The following SVEP1 variants were observed in gnomAD, a reference collection of about 807,000 sequenced individuals.
SVEP1 encodes sushi, von Willebrand factor type A, EGF and pentraxin domain-containing protein 1.
In SVEP1, 164 loss-of-function variants were observed where a neutral mutation model predicts 367.3. The ratio of observed to expected loss-of-function variants is 0.45; its 90% CI spans 0.39 to 0.51. The LOEUF (loss-of-function observed/expected upper bound fraction) is 0.51, where lower values mean the gene tolerates loss of function less well. Among genes scored for constraint, SVEP1 ranks in the 20% least tolerant of loss-of-function variants. The pLI is 0.00. For missense variants in SVEP1, 4,117 were observed against 4,425.3 expected (o/e 0.93, Z 1.98); for synonymous variants, 1,666 against 1,611.6 (o/e 1.03, Z -0.81).
Position 110,369,979 on chromosome 9 carries a change from A to G in SVEP1, c.10638T>C (p.Cys3546=), listed in dbSNP as rs184336132. ...CQSPCLNGGK[C]VRPNRCHCLS... ...GACAGTGACATCGGTTTGGTCTTAC[A>G]CATTTTCCACCATTTAAGCAGGGAG... is the stretch of plus-strand genomic sequence containing the variant. The change falls in exon 47 of 48, where the codon TGT becomes TGC. Residue 3546 remains cysteine, a synonymous_variant. Transcript: ENST00000374469. 5.3e-5 allele frequency: 85 copies of G among 1,613,344 alleles called. No homozygotes were observed. In the East Asian group the frequency reaches 1.6e-3, roughly 31 times the overall value.
chr9:110,498,384 T>C (rs371039419), intron 7 of SVEP1, among the ~76,000 whole-genome samples: 88 of 152,266 alleles, frequency 5.8e-4, no homozygotes, highest in African/African-American at 2.0e-3. Context: ...GACATTGGGG[T>C]TTTTCCTTCT....
chr9:110,406,667 C>G lies in SVEP1; in HGVS notation c.8933G>C (p.Gly2978Ala), dbSNP rs554629669. 32 of 1,613,932 alleles carry G rather than the reference C, an allele frequency of 2.0e-5. No homozygotes were observed. In the South Asian group the frequency reaches 3.4e-4, roughly 17 times the overall value. The change falls in exon 38 of 48, where the codon GGT (glycine) becomes GCT (alanine). Residue 2978 changes from glycine (G) to alanine (A), a missense_variant. This residue lies in a region of SVEP1 where 1,765 missense variants were observed against 1,781.1 expected (regional missense o/e 0.99). Coordinates refer to ENST00000374469, the MANE Select transcript of SVEP1 (RefSeq NM_153366.4). ...TGATGAATTTCCATGGAGCTTATAA[C>G]CAGGAAAGCACTGATACTGTATATG... The part of the protein sequence containing the change: ...GGHIQYQCFP[G>A]YKLHGNSSRR...
intron 43 of SVEP1, among the ~76,000 whole-genome samples, chr9:110,384,611 C>T (rs898084737): frequency 1.3e-5 from 2 of 149,316 alleles, no homozygotes; most frequent in Non-Finnish European, 3.0e-5. Flanking sequence ...TTCTTCAAAT[C>T]TATAAGAAAT....
chr9:110,517,751 T>TAA (rs5899902), intron 3 of SVEP1, among the ~76,000 whole-genome samples: 779 of 50,480 alleles, frequency 0.015, 15 homozygotes, highest in African/African-American at 0.033. Context: ...ACCTGGCTCT[T>TAA]AAAAAAAAAA....
chr9:110,477,312 C>G (rs576753757), intron 13 of SVEP1, among the ~76,000 whole-genome samples: 1 of 152,272 alleles, frequency 6.6e-6, no homozygotes, highest in South Asian at 2.1e-4. Flanking sequence ...ATTCCACGAT[C>G]CATCACCATG....
At chr9:110,429,479 TAA>T in intron 34 of SVEP1, 145 bp from the exon 35 acceptor site, 5 of 592,174 alleles carry the variant, frequency 8.4e-6, no homozygotes, top group Non-Finnish European at 1.1e-5. Flanking sequence ...GCTTTTAAAT[TAA>T]TTTTTTTTTT....
chr9:110,472,226 C>T lies in SVEP1; in HGVS notation c.2697G>A (p.Lys899=), dbSNP rs539199245. The change falls in exon 15 of 48, where the codon AAG becomes AAA. Residue 899 remains lysine (K), a synonymous_variant. Coordinates refer to ENST00000374469, the MANE Select transcript of SVEP1 (RefSeq NM_153366.4). ...QETATSIGNA[K]SSRIKRSAPL... Reference sequence around the variant, plus strand: ...GGGCACTTCTTTTAATCCGTGAGGACTTGGCATTGCCGATGCTTGTGGCTG... The same window carrying T: ...GGGCACTTCTTTTAATCCGTGAGGATTTGGCATTGCCGATGCTTGTGGCTG... 7 of 1,613,702 alleles carry T rather than the reference C, an allele frequency of 4.3e-6. No individual in the cohort carries two copies. Among genetic ancestry groups the T allele is most frequent in the Non-Finnish European group, 5.1e-6 (6 of 1,179,828 alleles).
intron 1 of SVEP1, among the ~76,000 whole-genome samples, chr9:110,551,056 AAAAT>A (rs1407192258): frequency 2.6e-5 from 4 of 152,238 alleles, no homozygotes; most frequent in South Asian, 2.1e-4. Context: ...TTCCTATTAA[AAAAT>A]AAATTAATTT....
At chr9:110,445,677 T>A (rs1360028950) in intron 26 of SVEP1, among the ~76,000 whole-genome samples, 160 bp downstream of exon 26, 1 of 152,214 alleles carries the variant, frequency 6.6e-6, no homozygotes, top group African/African-American at 2.4e-5. Context: ...AAATTTACGT[T>A]CTTAAAGAAC....
At chr9:110,427,068 C>T (rs957138722) in intron 36 of SVEP1, among the ~76,000 whole-genome samples, 3 of 151,918 alleles carry the variant, frequency 2.0e-5, no homozygotes, top group Non-Finnish European at 2.9e-5. Context: ...CAGGCTGAGG[C>T]AAGTGGATCA....
rs1338553826 is a variant in SVEP1 at position 110,499,220 on chromosome 9, A to T, written c.1502T>A (p.Phe501Tyr). ...PRCVERHCST[F>Y]QMPKDVIISP... ...TATGATGACATCTTTGGGCATCTGA[A>T]AGGTGGAACAGTGGCGCTCTACGGT... The change falls in exon 7 of 48, where the codon TTT (phenylalanine) becomes TAT (tyrosine). Residue 501 changes from phenylalanine to tyrosine, a missense_variant. Physicochemically the swap from Phe to Tyr is conservative, Grantham distance 22. Transcript: ENST00000374469. The T allele has an allele frequency of 6.2e-7, 1 of 1,612,714 alleles. No homozygotes were observed. Among genetic ancestry groups the T allele is most frequent in the Non-Finnish European group, 8.5e-7 (1 of 1,179,272 alleles).
At position 110,434,489 on chromosome 9, in the gene SVEP1, C is replaced by T. The variant is rs1321190509; in HGVS notation, c.4906G>A (p.Gly1636Arg). The T allele has an allele frequency of 9.3e-6, 15 of 1,612,994 alleles. No homozygotes were observed. The highest frequency in any genetic ancestry group is 1.3e-5 in the Non-Finnish European group (15 of 1,179,594). The change falls in exon 30 of 48, where the codon GGG (glycine) becomes AGG (arginine). Residue 1636 changes from glycine (G) to arginine (R), a missense_variant. Gly to Arg is a moderately radical substitution (Grantham distance 125). Coordinates refer to ENST00000374469, the MANE Select transcript of SVEP1 (RefSeq NM_153366.4). ...GCAGTTCTCAGATGAGGCACTGACC[C>T]TCCTAAGCGTGGGCAATCTGAGGGC... The part of the protein sequence containing the change: ...IFCSDCPRLG[G>R]SVPHLRTASE...
chr9:110,496,848 C>A lies in SVEP1; in HGVS notation c.1767G>T (p.Gln589His). The change falls in exon 8 of 48, where the codon CAG becomes CAT. Residue 589 changes from glutamine to histidine, a missense_variant. Gln to His is a conservative substitution (Grantham distance 24). Coordinates refer to ENST00000374469, the MANE Select transcript of SVEP1 (RefSeq NM_153366.4). Reference protein sequence around the residue: ...EQQDSANVTWQIPTAKDNSGE... With the variant: ...EQQDSANVTWHIPTAKDNSGE... ...CAGAGTTGTCTTTAGCTGTTGGAATCTGCCAGGTAACATTGGCAGAATCTT... is the reference window on the plus strand; with the variant it reads ...CAGAGTTGTCTTTAGCTGTTGGAATATGCCAGGTAACATTGGCAGAATCTT... The A allele has an allele frequency of 6.4e-7, 1 of 1,557,928 alleles. No individual in the cohort carries two copies. Among genetic ancestry groups the A allele is most frequent in the South Asian group, 1.2e-5 (1 of 84,510 alleles).
intron 4 of SVEP1, among the ~76,000 whole-genome samples, chr9:110,513,474 A>G (rs1829754839): frequency 6.6e-6 from 1 of 152,160 alleles, no homozygotes; most frequent in African/African-American, 2.4e-5. Context: ...AGCAAAGTAT[A>G]TTTGCTACAA....
At chr9:110,430,168 A>G (rs914978794) in intron 33 of SVEP1, 106 bp downstream of exon 33, 1 of 1,255,224 alleles carries the variant, frequency 8.0e-7, no homozygotes, top group Non-Finnish European at 1.1e-6. Flanking sequence ...CTAATACCTC[A>G]GTTCAAATAC....
intron 36 of SVEP1, among the ~76,000 whole-genome samples, chr9:110,415,114 G>A (rs968882379): frequency 2.0e-5 from 3 of 152,150 alleles, no homozygotes; most frequent in Non-Finnish European, 4.4e-5. Flanking sequence ...AAAGATAAAT[G>A]TTTTGATAAA....
rs753637171 is a variant in SVEP1 at position 110,407,212 on chromosome 9, C to T, written c.8388G>A (p.Thr2796=). The T allele has an allele frequency of 1.6e-5, 26 of 1,613,854 alleles. No individual in the cohort carries two copies. The South Asian group carries it at 2.2e-4, about 14-fold the overall frequency. The change falls in exon 38 of 48, where the codon ACG becomes ACA. Residue 2796 remains threonine, a synonymous_variant. Transcript: ENST00000374469. ...ATCCGGGGTCACACTCATAGTACAA[C>T]GTGCTCAGGTATGTGTAGTTGCTTC... ...IKGSNYTYLS[T]LYYECDPGYV...
Position 110,503,156 on chromosome 9 carries a change from T to G in SVEP1, c.1365A>C (p.Glu455Asp), listed in dbSNP as rs1360577993. The change falls in exon 6 of 48, where the codon GAA (glutamate) becomes GAC (aspartate). Residue 455 changes from glutamate (E) to aspartate (D), a missense_variant. By Grantham distance (45) the Glu-to-Asp change is conservative (BLOSUM62 2). Around this residue, in one of 4 missense-constraint regions of SVEP1, gnomAD observed 2,174 missense variants for 2,494.3 expected, o/e 0.87. Transcript: ENST00000374469. ...CCAAACATGTTGTCTTATATAACATTTCCCTTGTAGAACAGCTGATGTGGC... is the reference window on the plus strand; with the variant it reads ...CCAAACATGTTGTCTTATATAACATGTCCCTTGTAGAACAGCTGATGTGGC... ...KHGHISCSTR[E>D]MLYKTTCLVA... 6.2e-7 allele frequency: 1 copy of G among 1,613,800 alleles called. No homozygotes were observed. The highest frequency in any genetic ancestry group is 8.5e-7 in the Non-Finnish European group (1 of 1,179,828).
At chr9:110,373,533 T>C (rs753211523) in intron 46 of SVEP1, among the ~76,000 whole-genome samples, 9 of 152,150 alleles carry the variant, frequency 5.9e-5, no homozygotes, top group Non-Finnish European at 1.3e-4. Flanking sequence ...ATGCCATTTA[T>C]GTTTTACTCC....
Sources: allele counts gnomAD v4.1 joint callset (sites outside exome capture counted in the v4.1 genomes callset), GRCh38; gene constraint gnomAD v4.1.1; regional missense constraint gnomAD v4.1.1; transcripts MANE v1.5; gene names NCBI Gene and HGNC (gene_info 2026-07-23, HGNC 2026-07-21).